Variants in SUGCT observed in about 807,000 individuals in gnomAD.
SUGCT encodes succinyl-CoA:glutarate CoA-transferase.
Under a neutral mutation model 55.0 loss-of-function variants are expected in SUGCT, and 41 were observed. The observed-to-expected ratio is 0.74, with a 90% confidence interval of 0.58 to 0.97. The LOEUF (loss-of-function observed/expected upper bound fraction) is 0.97. SUGCT is among the 50% of genes least tolerant of loss of function. SUGCT has a pLI of 0.00. For synonymous variants in SUGCT, 187 were observed against 200.4 expected, an observed-to-expected ratio of 0.93 and a Z score of 0.56; for missense variants, 568 against 547.8, an observed-to-expected ratio of 1.04 and a Z score of -0.37.
At chr7:40,409,966 G>C (rs996241121) in intron 9 of SUGCT, among the ~76,000 whole-genome samples, 8 of 151,960 alleles carry the variant, frequency 5.3e-5, no homozygotes, top group African/African-American at 1.7e-4. Flanking sequence ...AGATTTCTTC[G>C]TATACATTGT....
chr7:41,013,618 T>G, the SUGCT span, among the ~76,000 whole-genome samples: 4 of 152,218 alleles, frequency 2.6e-5, no homozygotes, highest in Non-Finnish European at 4.4e-5. Context: ...TATGCCTGTA[T>G]ATGCATTTTG....
chr7:40,498,850 G>A (rs1362661737), intron 12 of SUGCT, among the ~76,000 whole-genome samples: 1 of 152,154 alleles, frequency 6.6e-6, no homozygotes, highest in Non-Finnish European at 1.5e-5. Flanking sequence ...TAGCTTTGGG[G>A]ATGGGGATCA....
chr7:40,523,005 C>T (rs1460520821), intron 12 of SUGCT, among the ~76,000 whole-genome samples: 1 of 151,914 alleles, frequency 6.6e-6, no homozygotes, highest in Admixed American at 6.6e-5. Flanking sequence ...ATGAAGCTGA[C>T]AAAATATGGG....
At chr7:40,476,666 T>C (rs1790699662) in intron 11 of SUGCT, among the ~76,000 whole-genome samples, 1 of 151,910 alleles carries the variant, frequency 6.6e-6, no homozygotes, top group African/African-American at 2.4e-5. Flanking sequence ...GGGATTTTGA[T>C]TTTTTTTGGC....
the SUGCT span, among the ~76,000 whole-genome samples, chr7:41,032,460 C>G: frequency 6.6e-6 from 1 of 152,042 alleles, no homozygotes; most frequent in Admixed American, 6.6e-5. Context: ...CCTTTCCTTC[C>G]TGTTGCCTGT....
chr7:40,406,073 A>G (rs75238166), intron 9 of SUGCT, among the ~76,000 whole-genome samples: 3,476 of 152,048 alleles, frequency 0.023, 122 homozygotes, highest in African/African-American at 0.08. Context: ...GGTTTTTCGA[A>G]GGTAGTTTGA....
At chr7:40,409,759 T>G (rs185884050) in intron 9 of SUGCT, among the ~76,000 whole-genome samples, 12 of 152,116 alleles carry the variant, frequency 7.9e-5, no homozygotes, top group Admixed American at 4.6e-4. Flanking sequence ...TGGAGTGCAG[T>G]GGCATAATCT....
At chr7:40,904,385 G>A in the SUGCT span, among the ~76,000 whole-genome samples, 2 of 152,188 alleles carry the variant, frequency 1.3e-5, no homozygotes, top group African/African-American at 4.8e-5. Flanking sequence ...CCAATGTGGG[G>A]TTCATCTGAT....
At chr7:40,407,582 T>G (rs1310392089) in intron 9 of SUGCT, among the ~76,000 whole-genome samples, 1 of 152,120 alleles carries the variant, frequency 6.6e-6, no homozygotes, top group Non-Finnish European at 1.5e-5. Context: ...AGTATTGTTC[T>G]GTTCAGTGTT....
At chr7:40,762,027 C>T (rs955475222) in intron 13 of SUGCT, among the ~76,000 whole-genome samples, 6 of 152,222 alleles carry the variant, frequency 3.9e-5, no homozygotes, top group Admixed American at 1.3e-4. Context: ...CAGTGGGGGG[C>T]GGTGATTTCA....
intron 7 of SUGCT, among the ~76,000 whole-genome samples, chr7:40,264,008 TCTGGTCTGCA>T (rs1473950458): frequency 6.6e-6 from 1 of 152,136 alleles, no homozygotes; most frequent in Non-Finnish European, 1.5e-5. Flanking sequence ...ATCTTCCTGT[TCTGGTCTGCA>T]ATGTAAAGAC....
chr7:40,218,980 C>T (rs1425258888), intron 6 of SUGCT, among the ~76,000 whole-genome samples: 1 of 152,140 alleles, frequency 6.6e-6, no homozygotes, highest in Non-Finnish European at 1.5e-5. Context: ...TCTTTCGCTC[C>T]TTGCAATAAG....
chr7:40,150,017 C>T lies in SUGCT; in HGVS notation c.100+14897C>T, dbSNP rs373293375. ...TTGAGGTGGGAGAATGGCTTGAACC[C>T]GAGAGGCGGAGGTTGCAGTGAGCCA... On this transcript the variant is annotated intron_variant, in intron 1 of 13. Coordinates refer to ENST00000335693, the MANE Select transcript of SUGCT (RefSeq NM_001193313.2). 3.0e-3 allele frequency among the ~76,000 whole-genome samples: 461 copies of T among 152,044 alleles called. 11 individuals carry two copies. Among genetic ancestry groups the T allele is most frequent in the East Asian group, 0.023 (121 of 5,160 alleles).
At chr7:40,445,892 T>A (rs1269770305) in intron 9 of SUGCT, among the ~76,000 whole-genome samples, 2 of 152,152 alleles carry the variant, frequency 1.3e-5, no homozygotes, top group African/African-American at 4.8e-5. Flanking sequence ...TTAGGCTGAT[T>A]ATATTCTGAG....
the SUGCT span, among the ~76,000 whole-genome samples, chr7:40,974,500 G>A: frequency 0.016 from 2,421 of 152,224 alleles, 50 homozygotes; most frequent in African/African-American, 0.055. Context: ...AGAGCCCTCG[G>A]CAGAAACCAT....
At chr7:40,201,535 G>A (rs570967501) in intron 6 of SUGCT, among the ~76,000 whole-genome samples, 1 of 152,228 alleles carries the variant, frequency 6.6e-6, no homozygotes, top group South Asian at 2.1e-4. Context: ...GTGGCCATCT[G>A]TCCAACTGTA....
At position 40,749,389 on chromosome 7, in the gene SUGCT, G is replaced by T. The variant is rs913368384; in HGVS notation, c.1090-45G>T. The T allele has an allele frequency of 2.0e-6, 3 of 1,531,456 alleles. No individual in the cohort carries two copies. In the Admixed American group the frequency reaches 5.0e-5, roughly 26 times the overall value. The allele number at this position is 1,531,456 out of a possible 1,614,324, so 94.9% of individuals were successfully genotyped here. On this transcript the variant is annotated intron_variant, in intron 12 of 13. Transcript: ENST00000335693. The stretch of plus-strand genomic sequence containing the variant: ...TGTCCATGCCTTGCAATTGAAGATG[G>T]TTTTATTTTGTAAATTATTTTTCTC...
intron 12 of SUGCT, among the ~76,000 whole-genome samples, chr7:40,527,130 C>T (rs963057391): frequency 6.6e-6 from 1 of 152,218 alleles, no homozygotes; most frequent in Non-Finnish European, 1.5e-5. Context: ...CTCTAGCTTA[C>T]ATTCCTTTAA....
intron 12 of SUGCT, among the ~76,000 whole-genome samples, chr7:40,541,434 T>C (rs1479547788): frequency 6.6e-6 from 1 of 152,164 alleles, no homozygotes; most frequent in Non-Finnish European, 1.5e-5. Flanking sequence ...ATTAAGAAAA[T>C]CCTCAAACAG....
Sources: allele counts gnomAD v4.1 joint callset (sites outside exome capture counted in the v4.1 genomes callset), GRCh38; gene constraint gnomAD v4.1.1; transcripts MANE v1.5; gene names NCBI Gene and HGNC (gene_info 2026-07-23, HGNC 2026-07-21).